The following BPIFB4 variants were observed in gnomAD, a reference collection of about 807,000 sequenced individuals.
The protein encoded by BPIFB4 is BPI fold containing family B member 4.
A neutral mutation model predicts 69.2 loss-of-function variants in BPIFB4; 62 were observed. The observed-to-expected ratio is 0.90, with a 90% CI of 0.73 to 1.11. The LOEUF is 1.11. Among genes scored for constraint, BPIFB4 ranks in the 50% least tolerant of loss-of-function variants. BPIFB4 has a pLI of 0.00. For synonymous variants in BPIFB4, 330 were observed against 332.7 expected (o/e 0.99, Z 0.09); for missense variants, 789 against 792.0 (o/e 1.00, Z 0.04).
chr20:33,090,388 C>T (rs1408152969), intron 9 of BPIFB4, among the ~76,000 whole-genome samples: 15 of 152,212 alleles, frequency 9.9e-5, no homozygotes. Flanking sequence ...TTCCCTGGTG[C>T]ACAGCACTTC....
In BPIFB4 at chr20:33,082,954, G is replaced by A. The variant is rs947287673; in HGVS notation, c.123G>A (p.Leu41=). 1.6e-5 allele frequency: 26 copies of A among 1,613,568 alleles called. No individual in the cohort carries two copies. Among genetic ancestry groups the A allele is most frequent in the Non-Finnish European group, 2.1e-5 (25 of 1,179,778 alleles). ...DVLSNAISGM[L]QQSDALHSAL... ...TCTCTGCAGCCATTTCAGGCATGCTGCAGCAAAGTGATGCTCTCCACTCGG... is the reference window on the plus strand; with the variant it reads ...TCTCTGCAGCCATTTCAGGCATGCTACAGCAAAGTGATGCTCTCCACTCGG... The change falls in exon 4 of 18, where the codon CTG becomes CTA. Residue 41 remains leucine (L), a synonymous_variant. Coordinates refer to ENST00000375483, the MANE Select transcript of BPIFB4 (RefSeq NM_182519.3).
intron 16 of BPIFB4, among the ~76,000 whole-genome samples, chr20:33,107,481 A>T (rs1466083641): frequency 1.3e-5 from 2 of 151,990 alleles, no homozygotes; most frequent in African/African-American, 2.4e-5. Context: ...ACAAACAAAA[A>T]AAGCAAAAAT....
chr20:33,097,568 AC>A (rs748716160), intron 12 of BPIFB4, 48 bp from the exon 13 acceptor site: 22 of 1,566,102 alleles, frequency 1.4e-5, no homozygotes, highest in Non-Finnish European at 1.9e-5. Flanking sequence ...CCCCCTGGGT[AC>A]CTCCTATGCT....
In BPIFB4 at chr20:33,083,827, C is replaced by T. The variant is rs578066819; in HGVS notation, c.630C>T (p.Gly210=). ...GGLLGGGGVL[G]VLGEGGILST... is the part of the protein sequence containing the mutation. ...TTCTTGGAGGAGGGGGTGTCCTGGGCGTGCTCGGCGAGGGTGGCATCCTCA... is the reference window on the plus strand; with the variant it reads ...TTCTTGGAGGAGGGGGTGTCCTGGGTGTGCTCGGCGAGGGTGGCATCCTCA... The change falls in exon 5 of 18, where the codon GGC becomes GGT. Residue 210 remains glycine (G), a synonymous_variant. Coordinates refer to ENST00000375483, the MANE Select transcript of BPIFB4 (RefSeq NM_182519.3). 1.5e-5 allele frequency: 25 copies of T among 1,613,378 alleles called. No homozygotes were observed. In the African/African-American group the frequency reaches 1.6e-4, roughly 10 times the overall value.
Position 33,085,006 on chromosome 20 carries a change from C to G in BPIFB4, c.782+10C>G. 6.2e-7 allele frequency: 1 copy of G among 1,609,370 alleles called. No individual in the cohort carries two copies. Among genetic ancestry groups the G allele is most frequent in the South Asian group, 1.1e-5 (1 of 90,700 alleles). Reference sequence around the variant, plus strand: ...CCATCAACGGGAAGAGGTGCGTGCCCTTGGCCCTGGAGGGGTCCCCACCAC... The same window carrying G: ...CCATCAACGGGAAGAGGTGCGTGCCGTTGGCCCTGGAGGGGTCCCCACCAC... On this transcript the variant is annotated intron_variant, in intron 6 of 17. Coordinates refer to ENST00000375483, the MANE Select transcript of BPIFB4 (RefSeq NM_182519.3).
chr20:33,090,931 A>G, intron 10 of BPIFB4, 132 bp downstream of exon 10: 1 of 1,052,182 alleles, frequency 9.5e-7, no homozygotes, highest in Admixed American at 2.5e-5. Flanking sequence ...GATTAGAAGA[A>G]GGCCTTCTAA....
At chr20:33,082,266 G>A (rs550677692) in intron 3 of BPIFB4, among the ~76,000 whole-genome samples, 1 of 152,200 alleles carries the variant, frequency 6.6e-6, no homozygotes, top group Non-Finnish European at 1.5e-5. Context: ...CCATCAGACG[G>A]GTACACTTCT....
rs568919749 is a variant in BPIFB4, at chr20:33,087,201, G to A, written c.926+1037G>A. Among the ~76,000 whole-genome samples the A allele has an allele frequency of 2.6e-5, 4 of 152,066 alleles. No individual in the cohort carries two copies. The South Asian group carries it at 8.3e-4, about 32-fold the overall frequency. On this transcript the variant is annotated intron_variant, in intron 7 of 17. Transcript: ENST00000375483. ...GGAAATAGATATTTGGTATTGCATGGTTCACAAACATAAAATAACAAAAAG... is the reference window on the plus strand; with the variant it reads ...GGAAATAGATATTTGGTATTGCATGATTCACAAACATAAAATAACAAAAAG...
Position 33,111,694 on chromosome 20 carries a change from C to T in BPIFB4, c.*257C>T, listed in dbSNP as rs998885893. 64 of 500,880 alleles carry T rather than the reference C, an allele frequency of 1.3e-4. No individual in the cohort carries two copies. The highest frequency in any genetic ancestry group is 2.1e-4 in the Non-Finnish European group (57 of 276,906). The allele number at this position is 500,880 out of a possible 1,614,324, so 31.0% of individuals were successfully genotyped here. A position where few individuals can be genotyped will look rare whatever the true frequency, so the allele number is the denominator to read the frequency against. ...TTGGGGCTGGAGGCCTCTCAGACCC[C>T]ATCCTGACAGCAGGTTGAGTATTCC... On this transcript the variant is annotated 3_prime_UTR_variant, in exon 18 of 18. Transcript: ENST00000375483.
chr20:33,108,272 G>A (rs1490401259), intron 17 of BPIFB4, among the ~76,000 whole-genome samples: 4 of 151,924 alleles, frequency 2.6e-5, no homozygotes, highest in African/African-American at 4.8e-5. Context: ...AAATATTCCC[G>A]AAGTAATTGG....
rs763890373 is a variant in BPIFB4 at position 33,084,974 on chromosome 20, C to T, written c.760C>T (p.Arg254Cys). ...GGGTGTCTACCTGAGCTTGTACACC[C>T]GTGTGGCCATCAACGGGAAGAGGTG... ...GVGVYLSLYT[R>C]VAINGKSLIG... is the part of the protein sequence containing the mutation. Residue 254 changes from arginine to cysteine, a missense_variant, in exon 6 of 18, where the codon CGT (arginine) becomes TGT (cysteine). Around this residue, in one of 3 missense-constraint regions of BPIFB4, gnomAD observed 611 missense variants for 575.4 expected, o/e 1.06. Coordinates refer to ENST00000375483, the MANE Select transcript of BPIFB4 (RefSeq NM_182519.3). 3.3e-5 allele frequency: 53 copies of T among 1,612,020 alleles called. No individual in the cohort carries two copies. The South Asian group carries it at 4.3e-4, about 13-fold the overall frequency.
chr20:33,086,874 T>C (rs148471519), intron 7 of BPIFB4, among the ~76,000 whole-genome samples: 82 of 152,352 alleles, frequency 5.4e-4, no homozygotes, highest in African/African-American at 1.9e-3. Context: ...GAGTACACAC[T>C]CAGAGCGGAG....
At position 33,104,882 on chromosome 20, in the gene BPIFB4, G is replaced by A. The variant is rs371370717; in HGVS notation, c.1744+9G>A. On this transcript the variant is annotated intron_variant, in intron 16 of 17. Transcript: ENST00000375483. ...CATGCCCGCAATGAACGGTGAGAGC[G>A]GGTGCCTGTGCCTCTCTGGGAGCTT... 7.3e-5 allele frequency: 118 copies of A among 1,613,712 alleles called. No individual in the cohort carries two copies. The highest frequency in any genetic ancestry group is 9.1e-5 in the Non-Finnish European group (107 of 1,179,808).
At position 33,099,086 on chromosome 20, in the gene BPIFB4, T is replaced by C. The variant is rs143211908; in HGVS notation, c.1569+1299T>C. Among the ~76,000 whole-genome samples, 696 of 151,814 alleles carry C rather than the reference T, an allele frequency of 4.6e-3. 5 individuals are homozygous for C. The highest frequency in any genetic ancestry group is 7.1e-3 in the Admixed American group (108 of 15,238). ...GCACACAGTAGATGCTCAGTAAACATTGGTCACAGGAATGTGTTAAGCTGT... is the reference window on the plus strand; with the variant it reads ...GCACACAGTAGATGCTCAGTAAACACTGGTCACAGGAATGTGTTAAGCTGT... On this transcript the variant is annotated intron_variant, in intron 13 of 17. Coordinates refer to ENST00000375483, the MANE Select transcript of BPIFB4 (RefSeq NM_182519.3).
At position 33,110,735 on chromosome 20, in the gene BPIFB4, C is replaced by T. The variant is rs190036303; in HGVS notation, c.1822-679C>T. On this transcript the variant is annotated intron_variant, in intron 17 of 17. Transcript: ENST00000375483. ...TATCCATTTAATTATTTATTTCTGTCGATAGAGACTCACGAATTTTTTTTT... is the reference window on the plus strand; with the variant it reads ...TATCCATTTAATTATTTATTTCTGTTGATAGAGACTCACGAATTTTTTTTT... 2.0e-3 allele frequency among the ~76,000 whole-genome samples: 287 copies of T among 143,972 alleles called. 5 individuals are homozygous for T. The East Asian group carries it at 0.023, about 12-fold the overall frequency. The allele number at this position is 143,972 out of a possible 152,430, so 94.5% of individuals were successfully genotyped here.
chr20:33,102,666 AC>A (rs1981938866), intron 14 of BPIFB4, among the ~76,000 whole-genome samples: 1 of 152,178 alleles, frequency 6.6e-6, no homozygotes, highest in Non-Finnish European at 1.5e-5. Flanking sequence ...CCTAGCAGCC[AC>A]CCACTTTGCA....
chr20:33,084,203 A>G (rs1432305916), intron 5 of BPIFB4, among the ~76,000 whole-genome samples: 2 of 152,240 alleles, frequency 1.3e-5, no homozygotes, highest in East Asian at 1.9e-4. Flanking sequence ...TTTAAAAACT[A>G]TACATATATA....
chr20:33,089,360 C>T (rs1981528779), intron 8 of BPIFB4, 138 bp from the exon 9 acceptor site: 2 of 1,377,690 alleles, frequency 1.5e-6, no homozygotes, highest in African/African-American at 1.4e-5. Flanking sequence ...GCCTTCCCCA[C>T]AGGGCTGTGG....
At position 33,089,534 on chromosome 20, in the gene BPIFB4, A is replaced by G; in HGVS notation, c.1027A>G (p.Asn343Asp). The G allele has an allele frequency of 6.2e-7, 1 of 1,614,194 alleles. No homozygotes were observed. Among genetic ancestry groups the G allele is most frequent in the Middle Eastern group, 1.6e-4 (1 of 6,062 alleles). The part of the protein sequence containing the change: ...PIVDVVLGLV[N>D]DQLGLVDSLI... The stretch of plus-strand genomic sequence containing the variant: ...CGTGGATGTGGTGCTGGGTCTTGTC[A>G]ATGACCAGCTGGGCCTCGTGGATTG... The change falls in exon 9 of 18, where the codon AAT (asparagine) becomes GAT (aspartate). Residue 343 changes from asparagine (N) to aspartate (D), a missense_variant. Coordinates refer to ENST00000375483, the MANE Select transcript of BPIFB4 (RefSeq NM_182519.3).
Sources: allele counts gnomAD v4.1 joint callset (sites outside exome capture counted in the v4.1 genomes callset), GRCh38; gene constraint gnomAD v4.1.1; regional missense constraint gnomAD v4.1.1; transcripts MANE v1.5; gene names NCBI Gene and HGNC (gene_info 2026-07-23, HGNC 2026-07-21).